TCF7L2: variants seen among roughly 807,000 people sequenced by gnomAD.
TCF7L2 encodes the protein transcription factor 7 like 2.
A neutral mutation model predicts 77.9 loss-of-function variants in TCF7L2; 23 were observed. The observed-to-expected ratio is 0.30, with a 90% CI of 0.21 to 0.42. TCF7L2 has a LOEUF of 0.42. TCF7L2 is among the 10% of genes least tolerant of loss of function. TCF7L2 has a pLI of 1.00. For synonymous variants in TCF7L2, 413 were observed against 340.2 expected, an observed-to-expected ratio of 1.21 and a Z score of -2.36; for missense variants, 654 against 793.1, an observed-to-expected ratio of 0.82 and a Z score of 2.11.
intron 5 of TCF7L2, among the ~76,000 whole-genome samples, chr10:113,085,344 A>G (rs151302080): frequency 5.1e-3 from 770 of 151,942 alleles, no homozygotes; most frequent in African/African-American, 0.017. Flanking sequence ...TGCTGGGATT[A>G]TAGGTGTAAG....
chr10:113,045,202 G>C (rs1243379904), intron 5 of TCF7L2, among the ~76,000 whole-genome samples: 1 of 152,188 alleles, frequency 6.6e-6, no homozygotes, highest in Non-Finnish European at 1.5e-5. Context: ...GACACCAAGA[G>C]AGAGTGGAGT....
rs1425755229 is a variant in TCF7L2 at position 113,167,605 on chromosome 10, A to AAT, written c.*1634_*1635insTA. On this transcript the variant is annotated 3_prime_UTR_variant, in exon 14 of 14. Coordinates refer to ENST00000627217, the MANE Select transcript of TCF7L2 (RefSeq NM_001146274.2). ...TTTGGAAGCCATTTTTGTAATGAAT[A>AAT]AATGTTCATGCTGTACAGTATCTGT... 1 of 201,604 alleles carries AAT rather than the reference A, an allele frequency of 5.0e-6. No individual in the cohort carries two copies. Among genetic ancestry groups the AAT allele is most frequent in the Non-Finnish European group, 1.0e-5 (1 of 98,078 alleles). 12.5% of individuals were successfully genotyped at this position (201,604 alleles called of 1,614,324 possible).
At chr10:113,005,437 C>G (rs1489931497) in intron 4 of TCF7L2, among the ~76,000 whole-genome samples, 1 of 152,126 alleles carries the variant, frequency 6.6e-6, no homozygotes, top group African/African-American at 2.4e-5. Flanking sequence ...TGGCTGAATT[C>G]TAAGTCCTTT....
intron 4 of TCF7L2, among the ~76,000 whole-genome samples, chr10:112,999,361 G>A (rs543531998): frequency 2.0e-5 from 3 of 152,382 alleles, no homozygotes; most frequent in Admixed American, 6.5e-5. Flanking sequence ...CGCACTAGGC[G>A]TTGGGCCTGA....
At chr10:113,073,835 G>A (rs975317164) in intron 5 of TCF7L2, among the ~76,000 whole-genome samples, 8 of 152,180 alleles carry the variant, frequency 5.3e-5, no homozygotes, top group Non-Finnish European at 1.0e-4. Flanking sequence ...GCTGCCTGCC[G>A]CCCATCCTTG....
chr10:113,117,547 G>A (rs1287539548), intron 5 of TCF7L2, among the ~76,000 whole-genome samples: 2 of 151,576 alleles, frequency 1.3e-5, no homozygotes, highest in African/African-American at 4.8e-5. Flanking sequence ...GCACGTTTTG[G>A]TTGGCTAGGA....
chr10:113,073,900 AC>A (rs939769164), intron 5 of TCF7L2, among the ~76,000 whole-genome samples: 1 of 152,200 alleles, frequency 6.6e-6, no homozygotes. Flanking sequence ...AAAACAGACC[AC>A]ACCCCAGGAA....
chr10:112,964,651 T>C (rs1474426626), intron 4 of TCF7L2, 27 bp downstream of exon 4: 1 of 1,598,756 alleles, frequency 6.3e-7, no homozygotes, highest in East Asian at 2.2e-5. Context: ...ATTCTGAAGC[T>C]TGAATTGTCT....
chr10:113,139,448 G>A (rs1053805132), intron 5 of TCF7L2, among the ~76,000 whole-genome samples: 11 of 152,132 alleles, frequency 7.2e-5, no homozygotes, highest in Admixed American at 7.2e-4. Context: ...GGCCTGCCCC[G>A]CCCTTCATGG....
At chr10:113,161,908 G>A (rs1194468435) in intron 13 of TCF7L2, among the ~76,000 whole-genome samples, 1 of 152,166 alleles carries the variant, frequency 6.6e-6, no homozygotes, top group Non-Finnish European at 1.5e-5. Context: ...ATTTGGGGGC[G>A]AGTTGAACAC....
chr10:113,027,991 T>A (rs1286677418), intron 4 of TCF7L2, among the ~76,000 whole-genome samples: 1 of 152,218 alleles, frequency 6.6e-6, no homozygotes, highest in Non-Finnish European at 1.5e-5. Flanking sequence ...AACTATTGTG[T>A]GAGGCTTCTC....
At chr10:113,160,238 C>T (rs1036719852) in intron 12 of TCF7L2, among the ~76,000 whole-genome samples, 1 of 152,030 alleles carries the variant, frequency 6.6e-6, no homozygotes, top group African/African-American at 2.4e-5. Context: ...AACCTTAGCG[C>T]GCCCCCTCCC....
chr10:113,039,896 A>G (rs1296942147), intron 4 of TCF7L2, 129 bp from the exon 5 acceptor site: 3 of 740,756 alleles, frequency 4.0e-6, no homozygotes, highest in Non-Finnish European at 6.5e-6. Context: ...TTATTTTTTT[A>G]ATGATTATTT....
At chr10:113,029,630 G>T (rs868328857) in intron 4 of TCF7L2, among the ~76,000 whole-genome samples, 1 of 151,140 alleles carries the variant, frequency 6.6e-6, no homozygotes, top group African/African-American at 2.4e-5. Context: ...GGGTTCAAGC[G>T]ATTCTCCTGT....
intron 4 of TCF7L2, among the ~76,000 whole-genome samples, chr10:112,973,943 A>G (rs2038859020): frequency 1.3e-5 from 2 of 152,080 alleles, no homozygotes; most frequent in Non-Finnish European, 1.5e-5. Flanking sequence ...AGGCTGATAC[A>G]GTCCATTTTA....
At chr10:113,129,679 AT>A in intron 5 of TCF7L2, 1 of 1,192,574 alleles carries the variant, frequency 8.4e-7, no homozygotes. Context: ...ATCTGGAGCC[AT>A]TTCGATCTTT....
intron 5 of TCF7L2, among the ~76,000 whole-genome samples, chr10:113,120,626 T>C: frequency 6.6e-6 from 1 of 151,966 alleles, no homozygotes; most frequent in East Asian, 1.9e-4. Context: ...AGGCAGAATG[T>C]CTTCTGTTTT....
At chr10:113,142,310 A>G (rs1343397433) in intron 6 of TCF7L2, among the ~76,000 whole-genome samples, 8 of 152,106 alleles carry the variant, frequency 5.3e-5, no homozygotes. Flanking sequence ...TTTTTATCCC[A>G]GTTGTTCATT....
At chr10:113,149,583 C>T (rs945305469) in intron 8 of TCF7L2, among the ~76,000 whole-genome samples, 2 of 152,146 alleles carry the variant, frequency 1.3e-5, no homozygotes, top group African/African-American at 2.4e-5. Context: ...CTTATTTTGG[C>T]TGAATGGAAA....
Sources: gnomAD v4.1 joint callset for allele counts (sites outside exome capture counted in the v4.1 genomes callset) on GRCh38, gnomAD v4.1.1 for gene constraint, MANE v1.5 for transcripts, NCBI Gene and HGNC (gene_info 2026-07-23, HGNC 2026-07-21) for gene names.